EML4: variants seen among roughly 807,000 people sequenced by gnomAD.
EML4 encodes the protein echinoderm microtubule-associated protein-like 4.
EML4 carries 72 observed loss-of-function variants against 129.0 expected under a neutral mutation model. The observed-to-expected ratio is 0.56, with a 90% CI of 0.46 to 0.68. The LOEUF (loss-of-function observed/expected upper bound fraction) is 0.68, where lower values mean the gene tolerates loss of function less well. Ranked by LOEUF, EML4 falls within the 30% of genes least tolerant of loss-of-function variation. The pLI is 0.00. For synonymous variants in EML4, 532 were observed against 405.0 expected (o/e 1.31, Z -3.77); for missense variants, 1,363 against 1,190.6 (o/e 1.14, Z -2.13).
At chr2:42,188,840 C>T (rs1183895804) in intron 1 of EML4, among the ~76,000 whole-genome samples, 1 of 152,060 alleles carries the variant, frequency 6.6e-6, no homozygotes, top group Non-Finnish European at 1.5e-5. Flanking sequence ...TTTAAAATTA[C>T]TTTCAAGGGC....
chr2:42,279,454 T>C (rs187696078), intron 6 of EML4, among the ~76,000 whole-genome samples: 62 of 151,744 alleles, frequency 4.1e-4, no homozygotes, highest in African/African-American at 1.5e-3. Flanking sequence ...TCATCAACAC[T>C]TGCCGTCTTT....
chr2:42,213,461 G>A (rs1227708746), intron 1 of EML4, among the ~76,000 whole-genome samples: 2 of 152,184 alleles, frequency 1.3e-5, no homozygotes, highest in African/African-American at 4.8e-5. Context: ...CCAGTCTCCT[G>A]TTGGACTAAC....
intron 1 of EML4, among the ~76,000 whole-genome samples, chr2:42,205,488 C>T (rs1672487284): frequency 6.6e-6 from 1 of 150,856 alleles, no homozygotes; most frequent in East Asian, 1.9e-4. Flanking sequence ...TTAAATGCCC[C>T]TGCCCTCAGT....
At position 42,280,937 on chromosome 2, in the gene EML4, C is replaced by A; in HGVS notation, c.755C>A (p.Thr252Lys). 1 of 1,611,518 alleles carries A rather than the reference C, an allele frequency of 6.2e-7. No homozygotes were observed. Among genetic ancestry groups the A allele is most frequent in the Non-Finnish European group, 8.5e-7 (1 of 1,178,758 alleles). ...GTTGACAACTATGATGACATCAGAA[C>A]GGAACTGCCTCCTGAGAAGCTCAAA... ...SDVDNYDDIR[T>K]ELPPEKLKLE... The change falls in exon 7 of 23, where the codon ACG becomes AAG. Residue 252 changes from threonine (T) to lysine (K), a missense_variant. By Grantham distance (78) the Thr-to-Lys change is moderately conservative (BLOSUM62 -1). Coordinates refer to ENST00000318522, the MANE Select transcript of EML4 (RefSeq NM_019063.5).
intron 1 of EML4, among the ~76,000 whole-genome samples, chr2:42,244,339 TG>T (rs762711439): frequency 3.9e-5 from 6 of 152,052 alleles, no homozygotes; most frequent in Non-Finnish European, 8.8e-5. Context: ...CCTCATGATC[TG>T]CCCTCCTCAG....
intron 1 of EML4, among the ~76,000 whole-genome samples, chr2:42,204,927 G>C (rs1032041504): frequency 2.6e-5 from 4 of 152,016 alleles, no homozygotes; most frequent in Non-Finnish European, 4.4e-5. Flanking sequence ...AAGATTATGG[G>C]GTCCCTTTAA....
At chr2:42,284,237 A>G (rs538433622) in intron 8 of EML4, among the ~76,000 whole-genome samples, 2 of 152,374 alleles carry the variant, frequency 1.3e-5, no homozygotes, top group Non-Finnish European at 2.9e-5. Context: ...TATGAGGATT[A>G]TGTAGCAAAA....
chr2:42,181,586 G>T (rs141518280), intron 1 of EML4, among the ~76,000 whole-genome samples: 2 of 152,074 alleles, frequency 1.3e-5, no homozygotes, highest in Admixed American at 6.6e-5. Context: ...GTGAGCCACC[G>T]CGCCTGGCCA....
intron 7 of EML4, 104 bp from the exon 8 acceptor site, chr2:42,282,719 A>C (rs1371710362): frequency 9.9e-7 from 1 of 1,007,016 alleles, no homozygotes; most frequent in Non-Finnish European, 1.5e-6. Context: ...GTTCTAGTTC[A>C]GTCTTCTTCA....
intron 6 of EML4, among the ~76,000 whole-genome samples, chr2:42,265,576 A>G (rs977764011): frequency 6.6e-6 from 1 of 152,206 alleles, no homozygotes; most frequent in Non-Finnish European, 1.5e-5. Context: ...ATTTCTAAGA[A>G]ATCTGAAGAT....
At chr2:42,261,459 A>T in intron 4 of EML4, 165 bp downstream of exon 4, 1 of 439,444 alleles carries the variant, frequency 2.3e-6, no homozygotes, top group Non-Finnish European at 3.9e-6. Context: ...CCCATTGGGG[A>T]ATAAAGAATT....
chr2:42,222,667 T>C (rs1179155523), intron 1 of EML4, among the ~76,000 whole-genome samples: 1 of 152,198 alleles, frequency 6.6e-6, no homozygotes, highest in African/African-American at 2.4e-5. Flanking sequence ...GGACATAAAC[T>C]GTACTGTGTA....
At chr2:42,317,014 G>A (rs1489896620) in intron 18 of EML4, among the ~76,000 whole-genome samples, 3 of 152,128 alleles carry the variant, frequency 2.0e-5, no homozygotes, top group Non-Finnish European at 4.4e-5. Context: ...GCACTGTGGT[G>A]GGTACAGGGA....
intron 1 of EML4, among the ~76,000 whole-genome samples, chr2:42,217,163 C>T (rs1673246191): frequency 6.6e-6 from 1 of 152,172 alleles, no homozygotes; most frequent in Non-Finnish European, 1.5e-5. Context: ...CCTTTGGTGT[C>T]AAGCTCAAGA....
rs1442753857 is a variant in EML4, at chr2:42,256,529, C to T, written c.237C>T (p.Pro79=). Residue 79 remains proline (P), a synonymous_variant, in exon 3 of 23, where the codon CCC becomes CCT. Coordinates refer to ENST00000318522, the MANE Select transcript of EML4 (RefSeq NM_019063.5). Reference sequence around the variant, plus strand: ...AACCAAGCCCTCGAGCAGTTATTCCCATGTCCTGTATAACCAATGGAAGTG... The same window carrying T: ...AACCAAGCCCTCGAGCAGTTATTCCTATGTCCTGTATAACCAATGGAAGTG... ...KGQPSPRAVI[P]MSCITNGSGA... 5 of 1,611,690 alleles carry T rather than the reference C, an allele frequency of 3.1e-6. No individual in the cohort carries two copies. Among genetic ancestry groups the T allele is most frequent in the Non-Finnish European group, 2.5e-6 (3 of 1,178,574 alleles).
intron 1 of EML4, among the ~76,000 whole-genome samples, chr2:42,237,736 A>T (rs922145739): frequency 6.6e-6 from 1 of 152,178 alleles, no homozygotes; most frequent in African/African-American, 2.4e-5. Context: ...GAGTAAAGAA[A>T]ATGTTATTAA....
intron 1 of EML4, among the ~76,000 whole-genome samples, chr2:42,186,213 A>C (rs1037652922): frequency 1.3e-5 from 2 of 152,208 alleles, no homozygotes; most frequent in Non-Finnish European, 2.9e-5. Context: ...AGAAAAATAC[A>C]TAGCCAAAAT....
At chr2:42,175,657 C>T (rs1005941163) in intron 1 of EML4, among the ~76,000 whole-genome samples, 6 of 152,056 alleles carry the variant, frequency 3.9e-5, no homozygotes, top group Admixed American at 3.9e-4. Context: ...CACCACCGCA[C>T]CCAGCTAATT....
intron 20 of EML4, 30 bp from the exon 21 acceptor site, chr2:42,326,124 T>C: frequency 6.2e-7 from 1 of 1,610,376 alleles, no homozygotes; most frequent in Non-Finnish European, 8.5e-7. Context: ...ACAAGCACTA[T>C]GATTATACTT....
Sources: gnomAD v4.1 joint callset for allele counts (sites outside exome capture counted in the v4.1 genomes callset) on GRCh38, gnomAD v4.1.1 for gene constraint, MANE v1.5 for transcripts, NCBI Gene and HGNC (gene_info 2026-07-23, HGNC 2026-07-21) for gene names.